The following CTNNA2 variants were observed in gnomAD, a reference collection of about 807,000 sequenced individuals.
CTNNA2 encodes the protein catenin alpha 2.
Under a neutral mutation model 101.0 loss-of-function variants are expected in CTNNA2, and 42 were observed. The ratio of observed to expected loss-of-function variants is 0.42; its 90% CI spans 0.32 to 0.54. CTNNA2 has a LOEUF of 0.54. Ranked by LOEUF, CTNNA2 falls within the 20% of genes least tolerant of loss-of-function variation. CTNNA2 has a pLI of 0.14. For missense variants in CTNNA2, 871 were observed against 1,223.1 expected, an observed-to-expected ratio of 0.71 and a Z score of 4.29; for synonymous variants, 450 against 456.4, an observed-to-expected ratio of 0.99 and a Z score of 0.18.
intron 9 of CTNNA2, among the ~76,000 whole-genome samples, chr2:80,433,439 C>T (rs773909056): frequency 2.6e-5 from 4 of 151,988 alleles, no homozygotes; most frequent in African/African-American, 4.8e-5. Flanking sequence ...GGAATTAAAG[C>T]GGGCCCCATT....
At chr2:79,552,546 T>G (rs2104065212) in intron 1 of CTNNA2, among the ~76,000 whole-genome samples, 1 of 152,322 alleles carries the variant, frequency 6.6e-6, no homozygotes, top group South Asian at 2.1e-4. Context: ...CTCTCTGTAC[T>G]GCCCTAGTAG....
rs546783352 is a variant in CTNNA2, at chr2:79,616,873, C to A, written c.-5-34679C>A. ...TTGGCGTTTGTCATTTTCCCCTCTT[C>A]TTTCTCCCCAATAATATTTAATATT... is the stretch of plus-strand genomic sequence containing the variant. On this transcript the variant is annotated intron_variant, in intron 1 of 18. Transcript: ENST00000402739. 2.6e-5 allele frequency among the ~76,000 whole-genome samples: 4 copies of A among 151,864 alleles called. No homozygotes were observed. The South Asian group carries it at 8.4e-4, about 32-fold the overall frequency.
intron 3 of CTNNA2, among the ~76,000 whole-genome samples, chr2:79,769,314 T>C (rs2105133399): frequency 6.6e-6 from 1 of 152,156 alleles, no homozygotes; most frequent in South Asian, 2.1e-4. Context: ...AAATGGAGGG[T>C]CACTTAATCA....
Position 79,348,190 on chromosome 2 carries a change from T to C in CTNNA2, c.-317-25641T>C, listed in dbSNP as rs368617915. On this transcript the variant is annotated intron_variant, in intron 3 of 21. Transcript: ENST00000466387. Reference sequence around the variant, plus strand: ...ATGAAAACAGTACTCTATCAATTGATGTTTCATTTTTAAAAGGACTATATT... The same window carrying C: ...ATGAAAACAGTACTCTATCAATTGACGTTTCATTTTTAAAAGGACTATATT... Among the ~76,000 whole-genome samples the C allele has an allele frequency of 1.4e-4, 21 of 152,292 alleles. No individual in the cohort carries two copies. In the East Asian group the frequency reaches 2.1e-3, roughly 15 times the overall value.
chr2:80,544,521 G>A lies in CTNNA2; in HGVS notation c.1291-461G>A, dbSNP rs78226314. Among the ~76,000 whole-genome samples the A allele has an allele frequency of 4.4e-3, 663 of 152,156 alleles. 9 individuals are homozygous for A. Among genetic ancestry groups the A allele is most frequent in the African/African-American group, 0.014 (599 of 41,512 alleles). ...GTGGACTAAAATTTTCAGGCAGATCGGGTATTTTGGGGGCAGGGCACCATA... is the reference window on the plus strand; with the variant it reads ...GTGGACTAAAATTTTCAGGCAGATCAGGTATTTTGGGGGCAGGGCACCATA... On this transcript the variant is annotated intron_variant, in intron 9 of 18. Transcript: ENST00000402739.
chr2:79,278,397 T>C (rs1286864288), intron 2 of CTNNA2, among the ~76,000 whole-genome samples: 2 of 151,792 alleles, frequency 1.3e-5, no homozygotes, highest in Non-Finnish European at 2.9e-5. Context: ...GTATTGGTAA[T>C]AGGGAAAGGT....
rs554316168 is a variant in CTNNA2 at position 80,608,403 on chromosome 2, AC to A, written c.2430+86del. 364 of 1,423,100 alleles carry A rather than the reference AC, an allele frequency of 2.6e-4. 2 individuals are homozygous for A. In the East Asian group the frequency reaches 8.2e-3, roughly 32 times the overall value. 88.2% of individuals were successfully genotyped at this position (1,423,100 alleles called of 1,614,324 possible). On this transcript the variant is annotated intron_variant, in intron 17 of 18. Coordinates refer to ENST00000402739, the MANE Select transcript of CTNNA2 (RefSeq NM_001282597.3). The stretch of plus-strand genomic sequence containing the variant: ...ATTCTTGGCAACAGTACTGCTAAAA[AC>A]ACCAAACTACAGTGATTTATAGGGA...
At chr2:79,894,802 G>A (rs950535619) in intron 6 of CTNNA2, among the ~76,000 whole-genome samples, 4 of 152,130 alleles carry the variant, frequency 2.6e-5, no homozygotes, top group African/African-American at 9.7e-5. Context: ...CTCTCCAAAT[G>A]TGAGCACCAA....
At chr2:79,232,651 G>T (rs1465078864) in intron 2 of CTNNA2, among the ~76,000 whole-genome samples, 1 of 152,152 alleles carries the variant, frequency 6.6e-6, no homozygotes, top group Non-Finnish European at 1.5e-5. Flanking sequence ...GAATTTTACT[G>T]TAAATCCATC....
At chr2:80,525,978 C>G (rs1184656639) in intron 9 of CTNNA2, among the ~76,000 whole-genome samples, 1 of 152,092 alleles carries the variant, frequency 6.6e-6, no homozygotes, top group Non-Finnish European at 1.5e-5. Context: ...TGTCAAAAAC[C>G]ACAGTTACTT....
At chr2:79,286,436 T>A (rs921345071) in intron 2 of CTNNA2, among the ~76,000 whole-genome samples, 1 of 152,196 alleles carries the variant, frequency 6.6e-6, no homozygotes, top group East Asian at 1.9e-4. Context: ...GGAGCTCTTT[T>A]AGGGCAGGCC....
chr2:79,908,431 C>T (rs1685566194), intron 6 of CTNNA2, among the ~76,000 whole-genome samples: 1 of 152,120 alleles, frequency 6.6e-6, no homozygotes, highest in African/African-American at 2.4e-5. Context: ...GGTTCTTGGA[C>T]CTCTGAGAGT....
intron 7 of CTNNA2, among the ~76,000 whole-genome samples, chr2:80,099,914 T>C (rs1328413790): frequency 6.6e-6 from 1 of 152,068 alleles, no homozygotes; most frequent in Non-Finnish European, 1.5e-5. Flanking sequence ...TTTGGGTCTG[T>C]GGCCATTGAA....
chr2:80,357,746 G>T (rs1673979454), intron 7 of CTNNA2, among the ~76,000 whole-genome samples: 1 of 152,116 alleles, frequency 6.6e-6, no homozygotes, highest in South Asian at 2.1e-4. Context: ...AGGGTTCCTG[G>T]TTCCAAGGAC....
intron 2 of CTNNA2, among the ~76,000 whole-genome samples, chr2:79,273,808 T>TA (rs1412085033): frequency 6.6e-6 from 1 of 151,854 alleles, no homozygotes; most frequent in Non-Finnish European, 1.5e-5. Context: ...AGCTGCACTT[T>TA]TTTTTTTTTT....
intron 2 of CTNNA2, among the ~76,000 whole-genome samples, chr2:79,740,971 T>C (rs1394943538): frequency 6.6e-6 from 1 of 152,088 alleles, no homozygotes; most frequent in African/African-American, 2.4e-5. Context: ...AATAAAAGCC[T>C]GTAACATGAT....
intron 17 of CTNNA2, 89 bp downstream of exon 17, chr2:80,608,407 C>T (rs1349409656): frequency 1.4e-6 from 2 of 1,391,770 alleles, no homozygotes; most frequent in East Asian, 4.7e-5. Flanking sequence ...CTAAAAACAC[C>T]AAACTACAGT....
intron 4 of CTNNA2, among the ~76,000 whole-genome samples, chr2:79,453,065 TTAAAC>T (rs1458116614): frequency 2.0e-5 from 3 of 152,172 alleles, no homozygotes; most frequent in African/African-American, 7.2e-5. Flanking sequence ...TATTGCTAAC[TTAAAC>T]TGAGCACTTT....
intron 2 of CTNNA2, among the ~76,000 whole-genome samples, chr2:79,252,207 A>G (rs907378972): frequency 1.3e-5 from 2 of 152,218 alleles, no homozygotes; most frequent in South Asian, 2.1e-4. Context: ...CTTGAGGGAT[A>G]AAGAGTGTGT....
Sources: gnomAD v4.1 joint callset for allele counts (sites outside exome capture counted in the v4.1 genomes callset) on GRCh38, gnomAD v4.1.1 for gene constraint, MANE v1.5 for transcripts, NCBI Gene and HGNC (gene_info 2026-07-23, HGNC 2026-07-21) for gene names.